The following RTN1 variants were observed in gnomAD, a reference collection of about 807,000 sequenced individuals.
RTN1 encodes the protein reticulon-1.
In RTN1, 25 loss-of-function variants were observed where a neutral mutation model predicts 65.5. The observed-to-expected ratio is 0.38, with a 90% CI of 0.28 to 0.53. The LOEUF is 0.53. RTN1 is among the 20% of genes least tolerant of loss of function. RTN1 has a pLI of 0.79. For missense variants in RTN1, 983 were observed against 1,025.4 expected, an observed-to-expected ratio of 0.96 and a Z score of 0.57; for synonymous variants, 471 against 447.6, an observed-to-expected ratio of 1.05 and a Z score of -0.66.
intron 1 of RTN1, among the ~76,000 whole-genome samples, chr14:59,770,517 T>C (rs77586062): frequency 0.037 from 5,573 of 152,140 alleles, 153 homozygotes; most frequent in Middle Eastern, 0.085. Context: ...TTCTCAGAAC[T>C]CTACTCATTT....
intron 3 of RTN1, chr14:59,610,021 A>G (rs1444223572): frequency 2.8e-6 from 2 of 707,786 alleles, no homozygotes; most frequent in Non-Finnish European, 5.2e-6. Context: ...CACTTGTGAG[A>G]CGTGAAGGGG....
rs755411803 is a variant in RTN1 at position 59,825,624 on chromosome 14, C to G, written c.241+44766G>C. On this transcript the variant is annotated intron_variant, in intron 1 of 8. Coordinates refer to ENST00000267484, the MANE Select transcript of RTN1 (RefSeq NM_021136.3). This position sits in a 1 kb window ranked among gnomAD's most constrained non-coding sequence, Gnocchi z 4.2. ...CCCAGAAGCACCCCTGCTGGAAGGCCAGCCTAGTGCCACATCAAACCACGG... is the reference window on the plus strand; with the variant it reads ...CCCAGAAGCACCCCTGCTGGAAGGCGAGCCTAGTGCCACATCAAACCACGG... Among the ~76,000 whole-genome samples the G allele has an allele frequency of 6.6e-6, 1 of 152,184 alleles. No homozygotes were observed. Among genetic ancestry groups the G allele is most frequent in the Non-Finnish European group, 1.5e-5 (1 of 68,038 alleles).
intron 3 of RTN1, among the ~76,000 whole-genome samples, chr14:59,704,490 C>A (rs1884246650): frequency 6.6e-6 from 1 of 152,182 alleles, no homozygotes; most frequent in Non-Finnish European, 1.5e-5. Flanking sequence ...AACCTGCTGG[C>A]ACCAAAAATA....
At chr14:59,773,583 T>C (rs1388200361) in intron 1 of RTN1, among the ~76,000 whole-genome samples, 1 of 152,140 alleles carries the variant, frequency 6.6e-6, no homozygotes, top group African/African-American at 2.4e-5. Flanking sequence ...TTTTCCATAA[T>C]TGAGAATCAG....
At chr14:59,777,798 AAACAAC>A (rs778447347) in intron 1 of RTN1, among the ~76,000 whole-genome samples, 2 of 149,962 alleles carry the variant, frequency 1.3e-5, no homozygotes, top group Non-Finnish European at 3.0e-5. Context: ...AGTCAAGACA[AAACAAC>A]AACAACAACA....
At chr14:59,861,034 C>A (rs529326047) in intron 1 of RTN1, among the ~76,000 whole-genome samples, 1 of 152,192 alleles carries the variant, frequency 6.6e-6, no homozygotes, top group South Asian at 2.1e-4. Context: ...GTTAATACTG[C>A]AACGAGTTAA....
intron 1 of RTN1, among the ~76,000 whole-genome samples, chr14:59,797,815 T>C (rs902670969): frequency 6.6e-6 from 1 of 152,220 alleles, no homozygotes; most frequent in African/African-American, 2.4e-5. Flanking sequence ...TATTGAGGAA[T>C]AGTGTTTATA....
At chr14:59,759,887 C>T (rs1885713950) in intron 1 of RTN1, among the ~76,000 whole-genome samples, 1 of 152,142 alleles carries the variant, frequency 6.6e-6, no homozygotes, top group South Asian at 2.1e-4. Flanking sequence ...AACAGGCATT[C>T]TCACACTAGG....
intron 1 of RTN1, among the ~76,000 whole-genome samples, chr14:59,819,882 C>G (rs1013189021): frequency 1.3e-5 from 2 of 152,126 alleles, no homozygotes; most frequent in African/African-American, 4.8e-5. Context: ...CCCTTGAGCC[C>G]GCGCCCACCC....
Position 59,870,772 on chromosome 14 carries a change from G to T in RTN1, c.-142C>A. On this transcript the variant is annotated 5_prime_UTR_variant, in exon 1 of 9. Coordinates refer to ENST00000267484, the MANE Select transcript of RTN1 (RefSeq NM_021136.3). This position sits in a 1 kb window ranked among gnomAD's most constrained non-coding sequence, Gnocchi z 5.1. ...TCTCAGCGTCGCCGCCGCCTCTGCT[G>T]CAACTCCGCCGAGCCGCTGCCTGCC... 1.1e-6 allele frequency: 1 copy of T among 907,826 alleles called. No homozygotes were observed. Among genetic ancestry groups the T allele is most frequent in the Non-Finnish European group, 1.5e-6 (1 of 687,632 alleles). 56.2% of individuals were successfully genotyped at this position (907,826 alleles called of 1,614,324 possible).
At chr14:59,619,850 G>C (rs1882207348) in intron 3 of RTN1, among the ~76,000 whole-genome samples, 1 of 152,114 alleles carries the variant, frequency 6.6e-6, no homozygotes, top group Non-Finnish European at 1.5e-5. Flanking sequence ...ATGTAGAAAG[G>C]ACCACTGGAT....
intron 3 of RTN1, among the ~76,000 whole-genome samples, 187 bp downstream of exon 3, chr14:59,726,732 C>G (rs1002603613): frequency 1.3e-5 from 2 of 152,128 alleles, no homozygotes; most frequent in Admixed American, 1.3e-4. Context: ...GTTCTGCCAC[C>G]GACTTCTGTC....
intron 1 of RTN1, among the ~76,000 whole-genome samples, chr14:59,757,802 C>T (rs768309524): frequency 1.3e-5 from 2 of 152,100 alleles, no homozygotes. Flanking sequence ...TTATAAGCCA[C>T]CTAGTTTATG....
intron 1 of RTN1, among the ~76,000 whole-genome samples, chr14:59,840,835 A>C (rs1887298474): frequency 6.6e-6 from 1 of 152,208 alleles, no homozygotes; most frequent in Non-Finnish European, 1.5e-5. Flanking sequence ...GTTTTTTATG[A>C]TAACTTACGT....
intron 2 of RTN1, among the ~76,000 whole-genome samples, chr14:59,728,249 C>CTTTTTTTTTTTTTT (rs200434592): frequency 1.4e-4 from 17 of 124,200 alleles, no homozygotes; most frequent in African/African-American, 5.1e-4. Flanking sequence ...GAATCAGTAT[C>CTTTTTTTTTTTTTT]TTTTTTTTTT....
In RTN1 at chr14:59,868,823, G is replaced by A. The variant is rs1204127676; in HGVS notation, c.241+1567C>T. 1.3e-5 allele frequency among the ~76,000 whole-genome samples: 2 copies of A among 152,154 alleles called. No homozygotes were observed. The highest frequency in any genetic ancestry group is 4.8e-5 in the African/African-American group (2 of 41,420). On this transcript the variant is annotated intron_variant, in intron 1 of 8. Transcript: ENST00000267484. The surrounding 1 kb of genome is among the most constrained non-coding windows in gnomAD (Gnocchi z 4.0). ...ACAGTGGATAAAGATTCTGAACTAT[G>A]AGCAGTCTATCCTCAACAAAGAATG...
intron 3 of RTN1, among the ~76,000 whole-genome samples, chr14:59,725,786 A>G (rs1355911705): frequency 1.3e-5 from 2 of 152,346 alleles, no homozygotes; most frequent in East Asian, 1.9e-4. Context: ...TTCCAATTTA[A>G]AATAACGAGA....
chr14:59,632,821 C>T (rs530748145), intron 3 of RTN1, among the ~76,000 whole-genome samples: 5 of 152,016 alleles, frequency 3.3e-5, no homozygotes, highest in Non-Finnish European at 7.4e-5. Context: ...TGGGGCCAGG[C>T]GCGGTGGTTC....
chr14:59,663,508 T>C (rs1466485539), intron 3 of RTN1, among the ~76,000 whole-genome samples: 5 of 152,168 alleles, frequency 3.3e-5, no homozygotes, highest in Non-Finnish European at 5.9e-5. Context: ...GACAGACTTC[T>C]GTACAGCAAA....
Sources: gnomAD v4.1 joint callset for allele counts (sites outside exome capture counted in the v4.1 genomes callset) on GRCh38, gnomAD v4.1.1 for gene constraint, Gnocchi (gnomAD v3.1) non-coding constraint, MANE v1.5 for transcripts, NCBI Gene and HGNC (gene_info 2026-07-23, HGNC 2026-07-21) for gene names.